RGS18: variants seen among roughly 807,000 people sequenced by gnomAD.
RGS18 encodes the protein regulator of G protein signaling 18, also known as regulator of G-protein signaling 18.
Under a neutral mutation model 27.6 loss-of-function variants are expected in RGS18, and 22 were observed. The ratio of observed to expected loss-of-function variants is 0.80; its 90% CI spans 0.57 to 1.14. RGS18 has a LOEUF of 1.14. Among genes scored for constraint, RGS18 ranks in the 50% most tolerant of loss-of-function variants. The pLI is 0.00. For missense variants in RGS18, 299 were observed against 269.6 expected (o/e 1.11, Z -0.76); for synonymous variants, 89 against 84.6 (o/e 1.05, Z -0.29).
At chr1:192,174,338 G>T (rs1280647285) in intron 3 of RGS18, among the ~76,000 whole-genome samples, 1 of 151,728 alleles carries the variant, frequency 6.6e-6, no homozygotes, top group Non-Finnish European at 1.5e-5. Context: ...ATTTATTTAG[G>T]CTCATATTAT....
chr1:192,173,263 C>T (rs1159344022), intron 3 of RGS18, among the ~76,000 whole-genome samples: 1 of 151,904 alleles, frequency 6.6e-6, no homozygotes, highest in Non-Finnish European at 1.5e-5. Context: ...CAACTTTTTT[C>T]AGCCATAATG....
intron 3 of RGS18, among the ~76,000 whole-genome samples, chr1:192,172,972 A>T (rs1192513234): frequency 1.3e-5 from 2 of 150,250 alleles, no homozygotes; most frequent in Non-Finnish European, 3.0e-5. Flanking sequence ...TGAATATAAG[A>T]CATATTCCAT....
intron 3 of RGS18, among the ~76,000 whole-genome samples, chr1:192,177,239 C>T (rs762200879): frequency 1.2e-4 from 18 of 151,178 alleles, no homozygotes; most frequent in Non-Finnish European, 2.5e-4. Context: ...TGTCCATATT[C>T]ACAATAGGAC....
At chr1:192,170,880 T>C (rs114157202) in intron 3 of RGS18, among the ~76,000 whole-genome samples, 187 of 152,264 alleles carry the variant, frequency 1.2e-3, no homozygotes, top group African/African-American at 4.3e-3. Flanking sequence ...TAAGGGAATA[T>C]AGTCTTGGAC....
At chr1:192,171,102 T>C (rs1656247594) in intron 3 of RGS18, among the ~76,000 whole-genome samples, 2 of 152,180 alleles carry the variant, frequency 1.3e-5, no homozygotes, top group South Asian at 4.1e-4. Context: ...TTAGCTTTAC[T>C]CTGAAAACCT....
Position 192,184,960 on chromosome 1 carries a change from A to G in RGS18, c.*406A>G, listed in dbSNP as rs1351550619. ...TAAACATAATAATACTCAGATATCCAAATGTTCAGATAGCATTTTTCATAA... is the reference window on the plus strand; with the variant it reads ...TAAACATAATAATACTCAGATATCCGAATGTTCAGATAGCATTTTTCATAA... On this transcript the variant is annotated 3_prime_UTR_variant, in exon 5 of 5. Transcript: ENST00000367460. The G allele has an allele frequency of 5.8e-6, 1 of 173,278 alleles. No individual in the cohort carries two copies. The highest frequency in any genetic ancestry group is 2.4e-5 in the African/African-American group (1 of 41,554). The allele number at this position is 173,278 out of a possible 1,614,324, so 10.7% of individuals were successfully genotyped here.
chr1:192,184,222 C>T (rs1165246776), intron 4 of RGS18, 75 bp from the exon 5 acceptor site: 3 of 1,351,430 alleles, frequency 2.2e-6, no homozygotes, highest in Non-Finnish European at 3.1e-6. Context: ...AACATTGCAT[C>T]AGTCCTGTGC....
chr1:192,158,862 T>G, intron 1 of RGS18, 106 bp downstream of exon 1: 1 of 812,158 alleles, frequency 1.2e-6, no homozygotes, highest in African/African-American at 1.8e-5. Context: ...AATATATTGT[T>G]TGTATTGCTA....
chr1:192,158,836 G>C (rs1182365992), intron 1 of RGS18, 80 bp downstream of exon 1: 7 of 965,186 alleles, frequency 7.3e-6, no homozygotes, highest in Non-Finnish European at 1.1e-5. Flanking sequence ...TCTTGTTTTT[G>C]AACTATTGGG....
intron 3 of RGS18, among the ~76,000 whole-genome samples, chr1:192,165,083 G>C (rs911533890): frequency 6.6e-6 from 1 of 152,090 alleles, no homozygotes; most frequent in Admixed American, 6.6e-5. Flanking sequence ...TATTTCCCCA[G>C]TAAGGAATAT....
At chr1:192,173,900 C>A (rs1053723050) in intron 3 of RGS18, among the ~76,000 whole-genome samples, 1 of 151,414 alleles carries the variant, frequency 6.6e-6, no homozygotes, top group African/African-American at 2.4e-5. Flanking sequence ...ATATATTTTT[C>A]CTCTTGTTTT....
chr1:192,177,522 T>C (rs1010703595), intron 3 of RGS18, among the ~76,000 whole-genome samples: 2 of 151,768 alleles, frequency 1.3e-5, no homozygotes, highest in African/African-American at 4.8e-5. Flanking sequence ...GTCTTATATA[T>C]GTTACAGTGT....
intron 4 of RGS18, among the ~76,000 whole-genome samples, chr1:192,182,967 T>TG (rs1656481123): frequency 6.6e-6 from 1 of 151,534 alleles, no homozygotes; most frequent in African/African-American, 2.4e-5. Context: ...AGTTTTCAAG[T>TG]GGAAAACAAT....
At chr1:192,172,922 A>G (rs1656289908) in intron 3 of RGS18, among the ~76,000 whole-genome samples, 1 of 147,022 alleles carries the variant, frequency 6.8e-6, no homozygotes, top group Non-Finnish European at 1.5e-5. Context: ...ATCTGGGGCA[A>G]TTGAACTTAT....
At chr1:192,174,798 C>G in intron 3 of RGS18, among the ~76,000 whole-genome samples, 1 of 151,764 alleles carries the variant, frequency 6.6e-6, no homozygotes, top group East Asian at 1.9e-4. Context: ...TTTAATGTGT[C>G]TCTTGTTGCC....
intron 4 of RGS18, among the ~76,000 whole-genome samples, chr1:192,183,155 G>GTT (rs541316807): frequency 2.0e-5 from 3 of 151,318 alleles, no homozygotes; most frequent in African/African-American, 7.3e-5. Context: ...GTTTTACATA[G>GTT]TTTTTTTTAT....
intron 4 of RGS18, among the ~76,000 whole-genome samples, chr1:192,181,945 A>T (rs563491113): frequency 6.6e-6 from 1 of 151,748 alleles, no homozygotes; most frequent in Non-Finnish European, 1.5e-5. Flanking sequence ...CAGATCATGT[A>T]GTATTTATTT....
chr1:192,169,772 A>T (rs1219961891), intron 3 of RGS18: 5 of 152,178 alleles, frequency 3.3e-5, no homozygotes, highest in African/African-American at 1.2e-4. Flanking sequence ...TATTAAGCAA[A>T]GCATACTAAG....
chr1:192,159,411 T>G, intron 2 of RGS18, 90 bp downstream of exon 2: 1 of 821,614 alleles, frequency 1.2e-6, no homozygotes, highest in African/African-American at 1.7e-5. Context: ...TCTGATTTAT[T>G]GAAAATTACA....
Sources: allele counts gnomAD v4.1 joint callset (sites outside exome capture counted in the v4.1 genomes callset), GRCh38; gene constraint gnomAD v4.1.1; transcripts MANE v1.5; gene names NCBI Gene and HGNC (gene_info 2026-07-23, HGNC 2026-07-21).